Variants in LRRTM4 observed in about 807,000 individuals in gnomAD.
LRRTM4 encodes the protein leucine rich repeat transmembrane neuronal 4.
LRRTM4 carries 25 observed loss-of-function variants against 47.6 expected under a neutral mutation model. The observed-to-expected ratio is 0.53, with a 90% confidence interval of 0.38 to 0.73. The LOEUF (loss-of-function observed/expected upper bound fraction) is 0.73, where lower values mean the gene tolerates loss of function less well. Ranked by LOEUF, LRRTM4 falls within the 30% of genes least tolerant of loss-of-function variation. The probability of loss-of-function intolerance (pLI) is 0.00; values close to 1 mark genes in which losing one functional copy is unlikely to be tolerated. For synonymous variants in LRRTM4, 311 were observed against 269.5 expected (o/e 1.15, Z -1.51); for missense variants, 638 against 713.4 (o/e 0.89, Z 1.20).
chr2:76,801,105 C>T (rs893463980), intron 3 of LRRTM4, among the ~76,000 whole-genome samples: 18 of 151,852 alleles, frequency 1.2e-4, no homozygotes, highest in Non-Finnish European at 2.1e-4. Context: ...GTCGGTGTGG[C>T]GATTCCTCAG....
chr2:76,801,513 G>T (rs575329796), intron 3 of LRRTM4, among the ~76,000 whole-genome samples: 43 of 152,150 alleles, frequency 2.8e-4, no homozygotes, highest in African/African-American at 9.9e-4. Context: ...GGGGACTGTT[G>T]TGGTGTGGGG....
intron 3 of LRRTM4, among the ~76,000 whole-genome samples, chr2:76,941,165 A>AAAAAAC (rs1358478218): frequency 2.6e-5 from 4 of 152,214 alleles, no homozygotes; most frequent in African/African-American, 9.7e-5. Context: ...AAGGTCAAAC[A>AAAAAAC]AAAAACAAAA....
intron 3 of LRRTM4, among the ~76,000 whole-genome samples, chr2:76,764,415 T>C (rs1241968715): frequency 6.6e-6 from 1 of 152,058 alleles, no homozygotes; most frequent in African/African-American, 2.4e-5. Context: ...GCAGATCACG[T>C]GGTCAGGAGA....
intron 3 of LRRTM4, among the ~76,000 whole-genome samples, chr2:77,479,282 A>AT (rs1205357658): frequency 4.6e-5 from 7 of 152,092 alleles, no homozygotes; most frequent in Non-Finnish European, 8.8e-5. Context: ...CTAAGGTCTG[A>AT]TTTTTTTTAT....
At chr2:77,515,763 C>T (rs1203687247) in intron 3 of LRRTM4, among the ~76,000 whole-genome samples, 2 of 151,806 alleles carry the variant, frequency 1.3e-5, no homozygotes, top group South Asian at 2.1e-4. Flanking sequence ...TCGCTGCCCT[C>T]TCTTGGCTCT....
At chr2:77,317,320 C>T (rs1330423369) in intron 3 of LRRTM4, among the ~76,000 whole-genome samples, 1 of 151,992 alleles carries the variant, frequency 6.6e-6, no homozygotes, top group Non-Finnish European at 1.5e-5. Context: ...TTTTGTTATT[C>T]ATTCTCCAGT....
intron 3 of LRRTM4, among the ~76,000 whole-genome samples, chr2:76,761,788 C>A (rs936798193): frequency 6.6e-6 from 1 of 151,998 alleles, no homozygotes; most frequent in Non-Finnish European, 1.5e-5. Flanking sequence ...AATTAAAACC[C>A]CAAAGTGTTA....
intron 3 of LRRTM4, among the ~76,000 whole-genome samples, chr2:76,902,842 C>T (rs1201977405): frequency 6.6e-6 from 1 of 152,054 alleles, no homozygotes; most frequent in African/African-American, 2.4e-5. Flanking sequence ...TCCCCTGGTG[C>T]ATTTGAATGA....
At chr2:77,485,631 G>T (rs1677880696) in intron 3 of LRRTM4, among the ~76,000 whole-genome samples, 1 of 152,218 alleles carries the variant, frequency 6.6e-6, no homozygotes, top group Admixed American at 6.5e-5. Context: ...AATAAGGGTT[G>T]TGATATGGAT....
At chr2:77,476,976 GTGTGTGTGTGTGTGTGTGTGTA>G (rs1256527245) in intron 3 of LRRTM4, among the ~76,000 whole-genome samples, 1 of 142,310 alleles carries the variant, frequency 7.0e-6, no homozygotes, top group East Asian at 2.0e-4. Context: ...GTGTGTGTGT[GTGTGTGTGTGTGTGTGTGTGTA>G]TGTGTGTACT....
chr2:76,789,580 ATTTGTTTG>A (rs528332613), intron 3 of LRRTM4, among the ~76,000 whole-genome samples: 1 of 152,078 alleles, frequency 6.6e-6, no homozygotes, highest in Admixed American at 6.5e-5. Flanking sequence ...AATAGGTTGT[ATTTGTTTG>A]TTTGTTTACT....
intron 3 of LRRTM4, among the ~76,000 whole-genome samples, chr2:77,441,080 C>T (rs1374363866): frequency 1.3e-5 from 2 of 152,170 alleles, no homozygotes; most frequent in Non-Finnish European, 2.9e-5. Flanking sequence ...AATATGCATA[C>T]TTTAATAAAT....
chr2:77,519,466 G>T lies in LRRTM4; in HGVS notation c.403C>A (p.Leu135Ile). ...TTGTAGGAGAGGTCCAGATTGCGGA[G>T]ATTGGGAACTGGGTGAAATGTTTTA... is the stretch of plus-strand genomic sequence containing the variant. ...HNKTFHPVPN[L>I]RNLDLSYNKL... is the part of the protein sequence containing the mutation. Residue 135 changes from leucine to isoleucine, a missense_variant, in exon 3 of 4, where the codon CTC (leucine) becomes ATC (isoleucine). Leu to Ile is a conservative substitution (Grantham distance 5, BLOSUM62 2). Coordinates refer to ENST00000409884, the MANE Select transcript of LRRTM4 (RefSeq NM_001134745.3). This position sits in a 1 kb window ranked among gnomAD's most constrained non-coding sequence, Gnocchi z 4.6. The T allele has an allele frequency of 6.2e-7, 1 of 1,613,490 alleles. No individual in the cohort carries two copies. The highest frequency in any genetic ancestry group is 1.1e-5 in the South Asian group (1 of 91,074).
At chr2:77,305,838 G>C (rs920909194) in intron 3 of LRRTM4, among the ~76,000 whole-genome samples, 1 of 151,664 alleles carries the variant, frequency 6.6e-6, no homozygotes, top group African/African-American at 2.4e-5. Context: ...AATAATTCTG[G>C]AACATCTTAA....
intron 3 of LRRTM4, among the ~76,000 whole-genome samples, chr2:77,473,634 G>A (rs1373783869): frequency 2.0e-5 from 3 of 152,096 alleles, no homozygotes; most frequent in Non-Finnish European, 4.4e-5. Context: ...TTTGCCTCAT[G>A]AGGCCTTCTG....
chr2:77,184,956 A>G (rs1673459532), intron 3 of LRRTM4, among the ~76,000 whole-genome samples: 1 of 150,896 alleles, frequency 6.6e-6, no homozygotes, highest in Non-Finnish European at 1.5e-5. Context: ...GCCACAGACC[A>G]AAGTAATTAA....
chr2:76,954,097 T>C (rs927513870), intron 3 of LRRTM4, among the ~76,000 whole-genome samples: 1 of 151,838 alleles, frequency 6.6e-6, no homozygotes, highest in Non-Finnish European at 1.5e-5. Flanking sequence ...TTTCTCTGAA[T>C]GAAGCCAGTC....
chr2:77,499,309 GTTTA>G (rs1374289040), intron 3 of LRRTM4, among the ~76,000 whole-genome samples: 4 of 151,838 alleles, frequency 2.6e-5, no homozygotes, highest in Non-Finnish European at 5.9e-5. Flanking sequence ...CAGGAGTTTT[GTTTA>G]TTTGTTTGTT....
At chr2:76,943,410 T>C (rs1424573445) in intron 3 of LRRTM4, among the ~76,000 whole-genome samples, 1 of 152,102 alleles carries the variant, frequency 6.6e-6, no homozygotes, top group Non-Finnish European at 1.5e-5. Context: ...CACCCCCGCC[T>C]GGCAACAAAG....
Sources: gnomAD v4.1 joint callset for allele counts (sites outside exome capture counted in the v4.1 genomes callset) on GRCh38, gnomAD v4.1.1 for gene constraint, Gnocchi (gnomAD v3.1) non-coding constraint, MANE v1.5 for transcripts, NCBI Gene and HGNC (gene_info 2026-07-23, HGNC 2026-07-21) for gene names.